Variants in FBXL7 observed in about 807,000 individuals in gnomAD.
The protein encoded by FBXL7 is F-box/LRR-repeat protein 7.
FBXL7 carries 12 observed loss-of-function variants against 38.3 expected under a neutral mutation model. The observed-to-expected ratio is 0.31, with a 90% confidence interval of 0.20 to 0.51. The LOEUF (loss-of-function observed/expected upper bound fraction) is 0.51. Among genes scored for constraint, FBXL7 ranks in the 20% least tolerant of loss-of-function variants. FBXL7 has a pLI of 0.98. For missense variants in FBXL7, 567 were observed against 676.4 expected, an observed-to-expected ratio of 0.84 and a Z score of 1.79; for synonymous variants, 297 against 300.9, an observed-to-expected ratio of 0.99 and a Z score of 0.13.
At chr5:15,840,505 C>T (rs1738715964) in intron 2 of FBXL7, among the ~76,000 whole-genome samples, 1 of 152,108 alleles carries the variant, frequency 6.6e-6, no homozygotes, top group Non-Finnish European at 1.5e-5. Flanking sequence ...AGAAGATTAA[C>T]ACCATTATGA....
intron 2 of FBXL7, among the ~76,000 whole-genome samples, chr5:15,633,741 ATTAT>A: frequency 2.0e-5 from 1 of 49,664 alleles, no homozygotes; most frequent in East Asian, 9.0e-4. Context: ...GGACACAGAT[ATTAT>A]TATTATTATT....
In FBXL7 at chr5:15,933,757, G is replaced by A. The variant is rs550700678; in HGVS notation, c.740-2693G>A. Among the ~76,000 whole-genome samples, 3 of 152,244 alleles carry A rather than the reference G, an allele frequency of 2.0e-5. No individual in the cohort carries two copies. The South Asian group carries it at 6.2e-4, about 32-fold the overall frequency. ...AAGAGTTTCCTGGGCAGCCTACCAG[G>A]AGGTGGGAGGAAGGTCCTCGTTAGC... is the stretch of plus-strand genomic sequence containing the variant. On this transcript the variant is annotated intron_variant, in intron 3 of 3. Transcript: ENST00000504595.
At chr5:15,717,341 A>G (rs923115439) in intron 2 of FBXL7, among the ~76,000 whole-genome samples, 3 of 152,210 alleles carry the variant, frequency 2.0e-5, no homozygotes, top group Non-Finnish European at 4.4e-5. Context: ...GCATACTTCC[A>G]GCAACCATGC....
intron 2 of FBXL7, among the ~76,000 whole-genome samples, chr5:15,752,398 GA>G (rs1243759354): frequency 2.6e-5 from 4 of 152,220 alleles, no homozygotes; most frequent in Non-Finnish European, 5.9e-5. Context: ...AAGTTGGTGA[GA>G]AAGGCTGGGG....
rs76646478 is a variant in FBXL7 at position 15,696,749 on chromosome 5, A to C, written c.127+80677A>C. Among the ~76,000 whole-genome samples, 254 of 152,164 alleles carry C rather than the reference A, an allele frequency of 1.7e-3. 1 individual carries two copies. Among genetic ancestry groups the C allele is most frequent in the African/African-American group, 6.0e-3 (251 of 41,552 alleles). On this transcript the variant is annotated intron_variant, in intron 2 of 3. Coordinates refer to ENST00000504595, the MANE Select transcript of FBXL7 (RefSeq NM_012304.5). Reference sequence around the variant, plus strand: ...TGATTTTCATCAGGACAAGATCTTGATTAATTCCCAGATAGACATTGAGAA... The same window carrying C: ...TGATTTTCATCAGGACAAGATCTTGCTTAATTCCCAGATAGACATTGAGAA...
intron 1 of FBXL7, among the ~76,000 whole-genome samples, chr5:15,529,394 T>TC: frequency 6.6e-6 from 1 of 152,200 alleles, no homozygotes; most frequent in East Asian, 1.9e-4. Context: ...TAACTTCTTT[T>TC]TTTTTTTTTA....
chr5:15,731,625 C>T (rs142348539), intron 2 of FBXL7, among the ~76,000 whole-genome samples: 6 of 152,242 alleles, frequency 3.9e-5, no homozygotes, highest in African/African-American at 4.8e-5. Context: ...GCAGAGGACA[C>T]GGATGACTTA....
intron 2 of FBXL7, among the ~76,000 whole-genome samples, chr5:15,659,339 A>G (rs1003555096): frequency 6.7e-6 from 1 of 149,142 alleles, no homozygotes; most frequent in Non-Finnish European, 1.5e-5. Flanking sequence ...AAAAACAATA[A>G]TTAAAAAAAA....
chr5:15,776,436 T>G (rs1736859428), intron 2 of FBXL7, among the ~76,000 whole-genome samples: 1 of 151,966 alleles, frequency 6.6e-6, no homozygotes, highest in Non-Finnish European at 1.5e-5. Flanking sequence ...CTGCCAAAAC[T>G]CTTAAGGAAA....
rs1744367590 is a variant in FBXL7 at position 15,726,690 on chromosome 5, C to CT, written c.127+110618_127+110619insT. On this transcript the variant is annotated intron_variant, in intron 2 of 3. Coordinates refer to ENST00000504595, the MANE Select transcript of FBXL7 (RefSeq NM_012304.5). ...TGGGTGACAGAGCAAGACTCCATCT[C>CT]AAAATAAATAAATAAATAAATAAAT... 2.1e-4 allele frequency among the ~76,000 whole-genome samples: 9 copies of CT among 42,392 alleles called. No individual in the cohort carries two copies. The South Asian group carries it at 9.2e-3, about 44-fold the overall frequency. The allele number at this position is 42,392 out of a possible 152,430, so 27.8% of individuals were successfully genotyped here.
intron 2 of FBXL7, among the ~76,000 whole-genome samples, chr5:15,638,154 G>T (rs1741246366): frequency 6.6e-6 from 1 of 152,194 alleles, no homozygotes; most frequent in Admixed American, 6.5e-5. Context: ...TCAATTTAAG[G>T]TGATACTTAG....
intron 3 of FBXL7, among the ~76,000 whole-genome samples, chr5:15,932,078 C>T (rs551443336): frequency 7.9e-5 from 12 of 152,240 alleles, no homozygotes; most frequent in Middle Eastern, 3.4e-3. Flanking sequence ...TGAACACAGG[C>T]GTGTCAAAGT....
intron 1 of FBXL7, among the ~76,000 whole-genome samples, chr5:15,514,141 T>C (rs1242404047): frequency 1.3e-5 from 2 of 152,226 alleles, no homozygotes; most frequent in African/African-American, 2.4e-5. Flanking sequence ...TGGTTGGGGT[T>C]GCCTTACTTC....
rs528901267 is a variant in FBXL7, at chr5:15,756,879, C to T, written c.127+140807C>T. Among the ~76,000 whole-genome samples, 6 of 152,218 alleles carry T rather than the reference C, an allele frequency of 3.9e-5. No individual in the cohort carries two copies. The South Asian group carries it at 1.2e-3, about 32-fold the overall frequency. On this transcript the variant is annotated intron_variant, in intron 2 of 3. Transcript: ENST00000504595. Reference sequence around the variant, plus strand: ...GGACTAATAATAAGAAAGAAAAAGGCAAATTTTAAAAGATATTCCAAATTC... The same window carrying T: ...GGACTAATAATAAGAAAGAAAAAGGTAAATTTTAAAAGATATTCCAAATTC...
intron 2 of FBXL7, among the ~76,000 whole-genome samples, chr5:15,829,209 A>G (rs1224750070): frequency 5.3e-5 from 8 of 152,144 alleles, no homozygotes; most frequent in Admixed American, 5.2e-4. Context: ...GAGTCATCTT[A>G]AGTCTTCATT....
chr5:15,697,149 G>C (rs921747599), intron 2 of FBXL7, among the ~76,000 whole-genome samples: 1 of 152,182 alleles, frequency 6.6e-6, no homozygotes, highest in Non-Finnish European at 1.5e-5. Context: ...TTTTGTACAT[G>C]TAAGATTGCA....
intron 1 of FBXL7, among the ~76,000 whole-genome samples, chr5:15,582,473 C>T (rs1351973875): frequency 1.3e-5 from 2 of 152,158 alleles, no homozygotes; most frequent in Non-Finnish European, 2.9e-5. Flanking sequence ...CACTCCATAC[C>T]TGTGGAGTTA....
intron 1 of FBXL7, among the ~76,000 whole-genome samples, chr5:15,558,719 G>C (rs1440900278): frequency 6.6e-6 from 1 of 152,232 alleles, no homozygotes; most frequent in Admixed American, 6.5e-5. Context: ...ACATTGTATA[G>C]TGTCCAAGTA....
intron 2 of FBXL7, among the ~76,000 whole-genome samples, chr5:15,635,776 G>C (rs1383358974): frequency 6.6e-6 from 1 of 152,192 alleles, no homozygotes; most frequent in Non-Finnish European, 1.5e-5. Flanking sequence ...TACTTTGAGA[G>C]AGGACAAACC....
Sources: gnomAD v4.1 joint callset for allele counts (sites outside exome capture counted in the v4.1 genomes callset) on GRCh38, gnomAD v4.1.1 for gene constraint, MANE v1.5 for transcripts, NCBI Gene and HGNC (gene_info 2026-07-23, HGNC 2026-07-21) for gene names.